CAMK4: variants seen among roughly 807,000 people sequenced by gnomAD.
CAMK4 encodes the protein calcium/calmodulin dependent protein kinase IV, also known as calcium/calmodulin-dependent protein kinase type IV.
In CAMK4, 22 loss-of-function variants were observed where a neutral mutation model predicts 44.9. That is an observed-to-expected ratio of 0.49 (90% CI 0.35 to 0.70). The LOEUF is 0.70. Among genes scored for constraint, CAMK4 ranks in the 30% least tolerant of loss-of-function variants. The pLI is 0.01. For synonymous variants in CAMK4, 218 were observed against 215.4 expected, an observed-to-expected ratio of 1.01 and a Z score of -0.11; for missense variants, 498 against 586.8, an observed-to-expected ratio of 0.85 and a Z score of 1.56.
chr5:111,403,542 T>C (rs1369852716), intron 5 of CAMK4, among the ~76,000 whole-genome samples: 2 of 152,214 alleles, frequency 1.3e-5, no homozygotes, highest in Non-Finnish European at 2.9e-5. Flanking sequence ...TAAAAGTGGT[T>C]TAATTCATAT....
At chr5:111,366,169 T>C (rs531842564) in intron 2 of CAMK4, among the ~76,000 whole-genome samples, 1 of 152,310 alleles carries the variant, frequency 6.6e-6, no homozygotes, top group Admixed American at 6.5e-5. Context: ...AGCACAATTA[T>C]GTACTTAGCA....
intron 1 of CAMK4, among the ~76,000 whole-genome samples, chr5:111,238,439 T>C (rs1748833236): frequency 6.6e-6 from 1 of 152,070 alleles, no homozygotes; most frequent in Non-Finnish European, 1.5e-5. Flanking sequence ...TCACTGACCA[T>C]GGAGGACACA....
intron 1 of CAMK4, among the ~76,000 whole-genome samples, chr5:111,275,719 C>T (rs1750732530): frequency 1.3e-5 from 2 of 151,930 alleles, no homozygotes; most frequent in Non-Finnish European, 2.9e-5. Flanking sequence ...TTCGATAGTG[C>T]AGTAGGGAAA....
At chr5:111,363,228 T>G (rs1039757281) in intron 2 of CAMK4, among the ~76,000 whole-genome samples, 1 of 152,042 alleles carries the variant, frequency 6.6e-6, no homozygotes, top group Non-Finnish European at 1.5e-5. Flanking sequence ...CATTCTCCAC[T>G]CCACTGGTGT....
intron 5 of CAMK4, among the ~76,000 whole-genome samples, chr5:111,437,828 C>T (rs1489223868): frequency 6.6e-6 from 1 of 152,124 alleles, no homozygotes; most frequent in Non-Finnish European, 1.5e-5. Context: ...GGAACCAGAT[C>T]ACCAAGACCT....
At chr5:111,245,394 T>C (rs1334531291) in intron 1 of CAMK4, among the ~76,000 whole-genome samples, 1 of 152,344 alleles carries the variant, frequency 6.6e-6, no homozygotes, top group East Asian at 1.9e-4. Flanking sequence ...TTTTTATTAT[T>C]GGTAAAAGGG....
At chr5:111,441,866 A>G (rs575672074) in intron 5 of CAMK4, among the ~76,000 whole-genome samples, 77 of 152,328 alleles carry the variant, frequency 5.1e-4, no homozygotes, top group Non-Finnish European at 4.6e-4. Flanking sequence ...TAGCATTAAT[A>G]TGATATCATA....
At position 111,303,875 on chromosome 5, in the gene CAMK4, C is replaced by T. The variant is rs999484010; in HGVS notation, c.162-40149C>T. ...GTCGGGTTACCCTCAAAGGAAAGCCCATCAGACTAACAGCGGATCTCTCGG... is the reference window on the plus strand; with the variant it reads ...GTCGGGTTACCCTCAAAGGAAAGCCTATCAGACTAACAGCGGATCTCTCGG... On this transcript the variant is annotated intron_variant, in intron 1 of 10. Transcript: ENST00000282356. 4.4e-5 allele frequency among the ~76,000 whole-genome samples: 6 copies of T among 135,476 alleles called. No individual in the cohort carries two copies. The East Asian group carries it at 6.8e-4, about 15-fold the overall frequency. The allele number at this position is 135,476 out of a possible 152,430, so 88.9% of individuals were successfully genotyped here.
intron 1 of CAMK4, among the ~76,000 whole-genome samples, chr5:111,236,498 A>G (rs896439007): frequency 6.6e-6 from 1 of 152,258 alleles, no homozygotes; most frequent in Non-Finnish European, 1.5e-5. Context: ...AGCCAGGTGG[A>G]GAGGAGCAGA....
At chr5:111,442,922 T>C (rs1250211099) in intron 5 of CAMK4, among the ~76,000 whole-genome samples, 2 of 150,280 alleles carry the variant, frequency 1.3e-5, no homozygotes, top group African/African-American at 4.9e-5. Context: ...TAACTAGTAA[T>C]ACAGTAAGTC....
intron 1 of CAMK4, among the ~76,000 whole-genome samples, chr5:111,333,372 A>G (rs759105161): frequency 1.3e-5 from 2 of 151,060 alleles, no homozygotes; most frequent in Admixed American, 6.6e-5. Flanking sequence ...ATTAGTTGAT[A>G]CTAATAGCTA....
At chr5:111,260,652 T>C (rs770701085) in intron 1 of CAMK4, among the ~76,000 whole-genome samples, 11 of 152,202 alleles carry the variant, frequency 7.2e-5, no homozygotes, top group Admixed American at 1.3e-4. Context: ...TGTCTTTTCT[T>C]ACACTTCCAG....
At position 111,494,142 on chromosome 5, in the gene CAMK4, C is replaced by T. The variant is rs997945885; in HGVS notation, c.*9676C>T. 6.6e-6 allele frequency: 1 copy of T among 152,150 alleles called. No homozygotes were observed. The highest frequency in any genetic ancestry group is 1.5e-5 in the Non-Finnish European group (1 of 68,034). 9.4% of individuals were successfully genotyped at this position (152,150 alleles called of 1,614,324 possible). ...GGATTAGATTAATGGAACAGCACTG[C>T]ATACAGGAAAGCTACATCTCCAATA... On this transcript the variant is annotated 3_prime_UTR_variant, in exon 11 of 11. Transcript: ENST00000282356.
intron 1 of CAMK4, among the ~76,000 whole-genome samples, chr5:111,293,921 G>A (rs960564040): frequency 1.3e-5 from 2 of 151,480 alleles, no homozygotes; most frequent in Admixed American, 1.3e-4. Flanking sequence ...TAATTTTTTT[G>A]TATTTTTAGT....
intron 2 of CAMK4, among the ~76,000 whole-genome samples, chr5:111,345,794 C>T (rs913858215): frequency 6.6e-5 from 10 of 151,942 alleles, no homozygotes; most frequent in African/African-American, 2.2e-4. Context: ...GACGTATATT[C>T]GTTGGGCAAG....
chr5:111,480,249 A>AACACACACACACACAC (rs532395570), intron 9 of CAMK4, among the ~76,000 whole-genome samples: 6,954 of 121,064 alleles, frequency 0.057, 307 homozygotes, highest in Non-Finnish European at 0.064. Flanking sequence ...TAGGCATGTA[A>AACACACACACACACAC]ACACACACAC....
chr5:111,476,265 G>GTGTA lies in CAMK4; in HGVS notation c.702-2113_702-2112insATGT, dbSNP rs1554075046. 5.9e-3 allele frequency among the ~76,000 whole-genome samples: 692 copies of GTGTA among 116,310 alleles called. 1 individual carries two copies. The highest frequency in any genetic ancestry group is 8.9e-3 in the Admixed American group (114 of 12,760). 76.3% of individuals were successfully genotyped at this position (116,310 alleles called of 152,430 possible). A position where few individuals can be genotyped will look rare whatever the true frequency, so the allele number is the denominator to read the frequency against. On this transcript the variant is annotated intron_variant, in intron 8 of 10. Transcript: ENST00000282356. The stretch of plus-strand genomic sequence containing the variant: ...TGTGTGTGTGTGTGTGTGTGTGTGT[G>GTGTA]TGTGTTTGTGTGTGTGTGTGTGTGT...
chr5:111,458,607 T>C (rs1561500318), intron 7 of CAMK4, among the ~76,000 whole-genome samples: 1 of 152,030 alleles, frequency 6.6e-6, no homozygotes, highest in Non-Finnish European at 1.5e-5. Context: ...ATGTAAAATA[T>C]ACAGAAAGAG....
chr5:111,243,743 C>T (rs2052859), intron 1 of CAMK4, among the ~76,000 whole-genome samples: 44,948 of 152,074 alleles, frequency 0.3, 7,052 homozygotes, highest in Middle Eastern at 0.43. Context: ...TCCTAGCCGG[C>T]GGTTCTTTCC....
Sources: gnomAD v4.1 joint callset for allele counts (sites outside exome capture counted in the v4.1 genomes callset) on GRCh38, gnomAD v4.1.1 for gene constraint, MANE v1.5 for transcripts, NCBI Gene and HGNC (gene_info 2026-07-23, HGNC 2026-07-21) for gene names.